The following ZSWIM5 variants were observed in gnomAD, a reference collection of about 807,000 sequenced individuals.
ZSWIM5 encodes the protein zinc finger SWIM-type containing 5.
A neutral mutation model predicts 119.6 loss-of-function variants in ZSWIM5; 55 were observed. That is an observed-to-expected ratio of 0.46 (90% CI 0.37 to 0.58). ZSWIM5 has a LOEUF of 0.58. Ranked by LOEUF, ZSWIM5 falls within the 20% of genes least tolerant of loss-of-function variation. ZSWIM5 has a pLI of 0.00. For synonymous variants in ZSWIM5, 537 were observed against 606.9 expected (o/e 0.88, Z 1.69); for missense variants, 1,193 against 1,512.8 (o/e 0.79, Z 3.51).
At chr1:45,090,593 A>T (rs1251541448) in intron 1 of ZSWIM5, among the ~76,000 whole-genome samples, 1 of 152,118 alleles carries the variant, frequency 6.6e-6, no homozygotes, top group East Asian at 1.9e-4. Flanking sequence ...TCTACAAAAA[A>T]TCAAAAAAAT....
rs1384567312 is a variant in ZSWIM5, at chr1:45,081,274, TCTCCC to T, written c.952+6602_952+6606del. Among the ~76,000 whole-genome samples, 46 of 131,292 alleles carry T rather than the reference TCTCCC, an allele frequency of 3.5e-4. 1 individual carries two copies. Among genetic ancestry groups the T allele is most frequent in the Non-Finnish European group, 2.3e-4 (14 of 61,610 alleles). 86.1% of individuals were successfully genotyped at this position (131,292 alleles called of 152,430 possible). A position where few individuals can be genotyped will look rare whatever the true frequency, so the allele number is the denominator to read the frequency against. Reference sequence around the variant, plus strand: ...CTCTCCCTCTCCCTCTCCCTCTCCCTCTCCCCATGGTCTCCCTCTCCCCATGGTCT... The same window carrying T: ...CTCTCCCTCTCCCTCTCCCTCTCCCTCATGGTCTCCCTCTCCCCATGGTCT... On this transcript the variant is annotated intron_variant, in intron 2 of 13. Transcript: ENST00000359600.
At chr1:45,138,976 C>T (rs1437272928) in intron 1 of ZSWIM5, among the ~76,000 whole-genome samples, 1 of 151,150 alleles carries the variant, frequency 6.6e-6, no homozygotes, top group African/African-American at 2.4e-5. Context: ...ACTGCAACCT[C>T]CGCCTCCTGG....
At chr1:45,114,190 C>T (rs900664629) in intron 1 of ZSWIM5, among the ~76,000 whole-genome samples, 6 of 152,114 alleles carry the variant, frequency 3.9e-5, no homozygotes, top group African/African-American at 1.4e-4. Flanking sequence ...AAATAACTAT[C>T]CTTCGGCATG....
intron 1 of ZSWIM5, among the ~76,000 whole-genome samples, chr1:45,176,286 A>G (rs899553341): frequency 3.3e-5 from 5 of 151,704 alleles, no homozygotes; most frequent in Middle Eastern, 3.2e-3. Context: ...TATTTTTCAG[A>G]CGGAGTCTTG....
intron 1 of ZSWIM5, among the ~76,000 whole-genome samples, chr1:45,184,082 G>A (rs1303567856): frequency 2.0e-5 from 3 of 152,124 alleles, no homozygotes; most frequent in Non-Finnish European, 4.4e-5. Flanking sequence ...TGGGATGCAA[G>A]GCTGGTTCAA....
rs1443517714 is a variant in ZSWIM5, at chr1:45,048,467, G to T, written c.1432+2607C>A. Among the ~76,000 whole-genome samples, 4 of 152,142 alleles carry T rather than the reference G, an allele frequency of 2.6e-5. No homozygotes were observed. In the East Asian group the frequency reaches 7.7e-4, roughly 29 times the overall value. On this transcript the variant is annotated intron_variant, in intron 5 of 13. Transcript: ENST00000359600. ...AGAGGGAGTTAAGTGTGTATGCAAA[G>T]GAGTGATTGTAATGAGTTACCAAGG...
Position 45,019,373 on chromosome 1 carries a change from C to T in ZSWIM5, c.2696-57G>A. 1.9e-6 allele frequency: 3 copies of T among 1,551,186 alleles called. No individual in the cohort carries two copies. The highest frequency in any genetic ancestry group is 3.7e-5 in the Admixed American group (2 of 54,298). ...CATCTGGGTCCTGATTCAGGTCTAC[C>T]CAGATTACCATTTGGGGTTTGAACT... On this transcript the variant is annotated intron_variant, in intron 13 of 13. Transcript: ENST00000359600. This position sits in a 1 kb window ranked among gnomAD's most constrained non-coding sequence, Gnocchi z 5.0.
At chr1:45,177,999 T>C (rs778843181) in intron 1 of ZSWIM5, among the ~76,000 whole-genome samples, 2 of 151,586 alleles carry the variant, frequency 1.3e-5, no homozygotes, top group Non-Finnish European at 2.9e-5. Context: ...CCTCACAAAG[T>C]GCTGGGATTA....
chr1:45,155,409 G>A (rs920612474), intron 1 of ZSWIM5, among the ~76,000 whole-genome samples: 19 of 151,468 alleles, frequency 1.3e-4, no homozygotes, highest in Admixed American at 7.2e-4. Flanking sequence ...AGTGAAAAGG[G>A]AACATTTCTA....
intron 1 of ZSWIM5, among the ~76,000 whole-genome samples, chr1:45,109,597 T>A (rs1334024445): frequency 6.6e-6 from 1 of 151,920 alleles, no homozygotes; most frequent in African/African-American, 2.4e-5. Context: ...TACAAAAAAT[T>A]TGCTGGGCAT....
chr1:45,159,389 C>A (rs934112874), intron 1 of ZSWIM5, among the ~76,000 whole-genome samples: 17 of 152,056 alleles, frequency 1.1e-4, no homozygotes, highest in African/African-American at 4.1e-4. Context: ...ATAATAATAT[C>A]ATCTTATGTC....
intron 1 of ZSWIM5, among the ~76,000 whole-genome samples, chr1:45,176,059 A>G (rs1263185954): frequency 6.6e-6 from 1 of 151,348 alleles, no homozygotes; most frequent in Non-Finnish European, 1.5e-5. Context: ...CTTGGAAACC[A>G]AGATATGGGC....
In ZSWIM5 at chr1:45,206,477, C is replaced by A; in HGVS notation, c.-127G>T. The A allele has an allele frequency of 8.4e-7, 1 of 1,187,852 alleles. No homozygotes were observed. The allele number at this position is 1,187,852 out of a possible 1,614,324, so 73.6% of individuals were successfully genotyped here. A position where few individuals can be genotyped will look rare whatever the true frequency, so the allele number is the denominator to read the frequency against. On this transcript the variant is annotated 5_prime_UTR_variant, in exon 1 of 14. Transcript: ENST00000359600. ...GCCGAGGGGGGCGGGGCGAGAGAAC[C>A]CGCGAGCCAGCCGGCCCGAGTGGGG...
intron 1 of ZSWIM5, among the ~76,000 whole-genome samples, chr1:45,100,519 T>C (rs1352804185): frequency 1.3e-5 from 2 of 152,194 alleles, no homozygotes; most frequent in African/African-American, 2.4e-5. Context: ...AAACTACCAA[T>C]GACTTTCTTC....
At chr1:45,040,640 C>A in intron 6 of ZSWIM5, 102 bp from the exon 7 acceptor site, 1 of 970,734 alleles carries the variant, frequency 1.0e-6, no homozygotes, top group South Asian at 2.1e-5. Flanking sequence ...TCCTCAAATT[C>A]AACCTGACAC....
chr1:45,137,906 C>T (rs1645699281), intron 1 of ZSWIM5, among the ~76,000 whole-genome samples: 1 of 152,040 alleles, frequency 6.6e-6, no homozygotes, highest in South Asian at 2.1e-4. Flanking sequence ...TATACTGAGG[C>T]AAGGGTAGGA....
chr1:45,150,907 T>C (rs1645793321), intron 1 of ZSWIM5, among the ~76,000 whole-genome samples: 1 of 152,184 alleles, frequency 6.6e-6, no homozygotes, highest in Non-Finnish European at 1.5e-5. Context: ...ACATTGCCAT[T>C]TGCAAGATGA....
rs746536040 is a variant in ZSWIM5 at position 45,060,250 on chromosome 1, A to G, written c.953-3T>C. On this transcript the variant is annotated splice_polypyrimidine_tract_variant and splice_region_variant and intron_variant, in intron 2 of 13. Coordinates refer to ENST00000359600, the MANE Select transcript of ZSWIM5 (RefSeq NM_020883.2). ...CCCAGCTGTGGGGTCAGGGGCACCT[A>G]TGAAGAATGAGAACAGTGAAATGAA... The G allele has an allele frequency of 1.2e-6, 2 of 1,613,358 alleles. No homozygotes were observed. Among genetic ancestry groups the G allele is most frequent in the Non-Finnish European group, 1.7e-6 (2 of 1,179,852 alleles).
intron 1 of ZSWIM5, among the ~76,000 whole-genome samples, chr1:45,192,089 G>C (rs1373004587): frequency 6.6e-6 from 1 of 152,046 alleles, no homozygotes; most frequent in Non-Finnish European, 1.5e-5. Flanking sequence ...TGGACATTTT[G>C]TATAAATAAA....
Sources: gnomAD v4.1 joint callset for allele counts (sites outside exome capture counted in the v4.1 genomes callset) on GRCh38, gnomAD v4.1.1 for gene constraint, Gnocchi (gnomAD v3.1) non-coding constraint, MANE v1.5 for transcripts, NCBI Gene and HGNC (gene_info 2026-07-23, HGNC 2026-07-21) for gene names.